Variants in RABGEF1 observed in about 807,000 individuals in gnomAD.
The protein encoded by RABGEF1 is rab5 GDP/GTP exchange factor.
Under a neutral mutation model 57.3 loss-of-function variants are expected in RABGEF1, and 26 were observed. That is an observed-to-expected ratio of 0.45 (90% CI 0.33 to 0.63). The LOEUF (loss-of-function observed/expected upper bound fraction) is 0.63. RABGEF1 is among the 20% of genes least tolerant of loss of function. The pLI is 0.02. For synonymous variants in RABGEF1, 185 were observed against 210.7 expected (o/e 0.88, Z 1.06); for missense variants, 464 against 607.6 (o/e 0.76, Z 2.48).
At chr7:66,714,167 G>A (rs1795093539) in intron 2 of RABGEF1, among the ~76,000 whole-genome samples, 1 of 152,200 alleles carries the variant, frequency 6.6e-6, no homozygotes, top group Non-Finnish European at 1.5e-5. Context: ...TCTTTGGTAA[G>A]AATTATCTGG....
chr7:66,693,486 C>A (rs1345027829), intron 1 of RABGEF1, among the ~76,000 whole-genome samples: 1 of 152,182 alleles, frequency 6.6e-6, no homozygotes, highest in East Asian at 1.9e-4. Flanking sequence ...CTGCTGCCCC[C>A]AGAGACACAG....
chr7:66,787,007 C>T (rs1811331608), intron 4 of RABGEF1, among the ~76,000 whole-genome samples: 1 of 152,190 alleles, frequency 6.6e-6, no homozygotes, highest in South Asian at 2.1e-4. Context: ...AAAACCTAAT[C>T]TGTACAACAT....
intron 2 of RABGEF1, among the ~76,000 whole-genome samples, chr7:66,725,106 CT>C (rs1489780658): frequency 4.6e-5 from 7 of 152,222 alleles, no homozygotes; most frequent in African/African-American, 1.4e-4. Flanking sequence ...ATCTTTGTCA[CT>C]TCTGGGTCTG....
chr7:66,728,403 C>T (rs1796840013), intron 2 of RABGEF1, among the ~76,000 whole-genome samples: 1 of 152,106 alleles, frequency 6.6e-6, no homozygotes, highest in South Asian at 2.1e-4. Context: ...GGGTCAGCTT[C>T]GAGGTTCATG....
intron 2 of RABGEF1, chr7:66,773,597 A>C (rs1251744266): frequency 2.3e-6 from 1 of 442,126 alleles, no homozygotes; most frequent in East Asian, 7.0e-5. Flanking sequence ...TTGCCTGGTG[A>C]TGCTGCGCTG....
At chr7:66,755,161 G>A (rs1389692554) in intron 1 of RABGEF1, among the ~76,000 whole-genome samples, 4 of 152,342 alleles carry the variant, frequency 2.6e-5, no homozygotes, top group Middle Eastern at 3.4e-3. Context: ...GGGCGTGGTG[G>A]CAGGTGCCTG....
intron 1 of RABGEF1, among the ~76,000 whole-genome samples, chr7:66,705,160 G>A (rs1345917805): frequency 1.3e-5 from 2 of 152,128 alleles, no homozygotes; most frequent in African/African-American, 2.4e-5. Flanking sequence ...CAACACTTTG[G>A]GAGGCCGAGG....
chr7:66,706,182 A>G (rs912675097), intron 1 of RABGEF1, among the ~76,000 whole-genome samples: 1 of 151,780 alleles, frequency 6.6e-6, no homozygotes, highest in Non-Finnish European at 1.5e-5. Flanking sequence ...GATTATAGAC[A>G]TGAGCCACCG....
intron 1 of RABGEF1, chr7:66,748,938 A>T: frequency 4.3e-6 from 1 of 230,006 alleles, no homozygotes; most frequent in Non-Finnish European, 9.3e-6. Context: ...AAACTGTTTT[A>T]TGTCATAAGA....
intron 1 of RABGEF1, among the ~76,000 whole-genome samples, chr7:66,705,190 C>T (rs1793832287): frequency 6.6e-6 from 1 of 152,150 alleles, no homozygotes; most frequent in African/African-American, 2.4e-5. Flanking sequence ...CATTTGAGGT[C>T]AGGAGTTCGA....
chr7:66,754,297 A>G (rs2129068064), intron 1 of RABGEF1, among the ~76,000 whole-genome samples: 1 of 151,732 alleles, frequency 6.6e-6, no homozygotes, highest in East Asian at 1.9e-4. Flanking sequence ...CCACTGTGCC[A>G]GGCCTTTGCC....
rs549512009 is a variant in RABGEF1 at position 66,749,262 on chromosome 7, C to T, written c.-18+8470C>T. ...TCAAGTAATAATAGTTCAAATTTAT[C>T]AAATGCTAGCAGGAGCCATGCATTG... On this transcript the variant is annotated intron_variant, in intron 1 of 8. Transcript: ENST00000284957. Among the ~76,000 whole-genome samples, 24 of 152,298 alleles carry T rather than the reference C, an allele frequency of 1.6e-4. No individual in the cohort carries two copies. The South Asian group carries it at 5.0e-3, about 32-fold the overall frequency.
chr7:66,726,502 T>G (rs2117582771), intron 2 of RABGEF1, among the ~76,000 whole-genome samples: 1 of 152,208 alleles, frequency 6.6e-6, no homozygotes, highest in East Asian at 1.9e-4. Context: ...TAGCTGAGAC[T>G]ACAGGTATGC....
At chr7:66,708,768 T>G (rs1235774489) in intron 1 of RABGEF1, among the ~76,000 whole-genome samples, 1 of 152,046 alleles carries the variant, frequency 6.6e-6, no homozygotes, top group Non-Finnish European at 1.5e-5. Flanking sequence ...GGTATGATTG[T>G]ACCACTGTAC....
At chr7:66,658,889 C>A in the RABGEF1 span, among the ~76,000 whole-genome samples, 1 of 152,036 alleles carries the variant, frequency 6.6e-6, no homozygotes, top group Non-Finnish European at 1.5e-5. Flanking sequence ...GCGCCCACCA[C>A]AACGCCCGGC....
At chr7:66,749,367 T>C (rs13224487) in intron 1 of RABGEF1, among the ~76,000 whole-genome samples, 26 of 152,238 alleles carry the variant, frequency 1.7e-4, no homozygotes, top group Admixed American at 7.2e-4. Flanking sequence ...AATATAGTTA[T>C]GTAATGCTGT....
At chr7:66,710,919 G>A (rs1382380198) in intron 1 of RABGEF1, among the ~76,000 whole-genome samples, 2 of 151,974 alleles carry the variant, frequency 1.3e-5, no homozygotes, top group Non-Finnish European at 2.9e-5. Flanking sequence ...AAGACAGGAG[G>A]ATCACTTGAG....
chr7:66,733,316 G>A (rs781069854), intron 2 of RABGEF1, among the ~76,000 whole-genome samples: 1 of 152,128 alleles, frequency 6.6e-6, no homozygotes, highest in African/African-American at 2.4e-5. Context: ...CCCCACTTAG[G>A]CTGCTGTGCA....
At chr7:66,800,481 G>C (rs1787035060) in intron 7 of RABGEF1, among the ~76,000 whole-genome samples, 1 of 152,130 alleles carries the variant, frequency 6.6e-6, no homozygotes. Context: ...TCTTGTGCAA[G>C]TTCTGAAGGT....
Sources: gnomAD v4.1 joint callset for allele counts (sites outside exome capture counted in the v4.1 genomes callset) on GRCh38, gnomAD v4.1.1 for gene constraint, MANE v1.5 for transcripts, NCBI Gene and HGNC (gene_info 2026-07-23, HGNC 2026-07-21) for gene names.